The following HEG1 variants were observed in gnomAD, a reference collection of about 807,000 sequenced individuals.
HEG1 encodes protein HEG homolog 1.
HEG1 carries 56 observed loss-of-function variants against 125.6 expected under a neutral mutation model. The ratio of observed to expected loss-of-function variants is 0.45; its 90% CI spans 0.36 to 0.56. The LOEUF is 0.56. HEG1 is among the 20% of genes least tolerant of loss of function. HEG1 has a pLI of 0.00. For synonymous variants in HEG1, 644 were observed against 668.5 expected (o/e 0.96, Z 0.57); for missense variants, 1,523 against 1,670.0 (o/e 0.91, Z 1.53).
intron 14 of HEG1, among the ~76,000 whole-genome samples, chr3:124,982,464 G>A (rs1560016207): frequency 6.6e-6 from 1 of 152,158 alleles, no homozygotes; most frequent in East Asian, 1.9e-4. Flanking sequence ...ATCCTTTTTA[G>A]TGCAAAAAGA....
At chr3:124,971,933 G>C (rs576307437) in intron 16 of HEG1, 3 of 151,800 alleles carry the variant, frequency 2.0e-5, no homozygotes, top group East Asian at 1.9e-4. Flanking sequence ...GATGTACAGG[G>C]GTCCACCACC....
chr3:125,022,325 C>T (rs975252944), intron 3 of HEG1, among the ~76,000 whole-genome samples: 4 of 151,842 alleles, frequency 2.6e-5, no homozygotes, highest in African/African-American at 4.8e-5. Flanking sequence ...TCATTACAAA[C>T]ATTTCCTTGA....
chr3:124,993,184 C>T (rs892046735), intron 12 of HEG1, among the ~76,000 whole-genome samples: 1 of 152,218 alleles, frequency 6.6e-6, no homozygotes, highest in African/African-American at 2.4e-5. Flanking sequence ...CTTCTTTTAG[C>T]AAGCGTGCAG....
At chr3:124,975,735 T>C (rs1400802842) in intron 15 of HEG1, among the ~76,000 whole-genome samples, 7 of 152,212 alleles carry the variant, frequency 4.6e-5, no homozygotes. Context: ...TCCAACTCTA[T>C]TAGATTTGCC....
At chr3:124,987,351 G>A (rs1936753772) in intron 14 of HEG1, among the ~76,000 whole-genome samples, 1 of 152,008 alleles carries the variant, frequency 6.6e-6, no homozygotes, top group Non-Finnish European at 1.5e-5. Context: ...TGGCTCACCC[G>A]AGGGGCACAC....
chr3:125,040,694 G>C (rs184766563), intron 1 of HEG1, among the ~76,000 whole-genome samples: 15 of 145,250 alleles, frequency 1.0e-4, no homozygotes, highest in Admixed American at 5.0e-4. Flanking sequence ...GTTCACACAG[G>C]GAGGGGAGAA....
At chr3:124,990,327 T>C (rs1936811357) in intron 14 of HEG1, among the ~76,000 whole-genome samples, 1 of 146,988 alleles carries the variant, frequency 6.8e-6, no homozygotes, top group Non-Finnish European at 1.5e-5. Context: ...GTTTTTTTTG[T>C]TGTTGTTTTT....
chr3:125,033,711 A>G (rs1390545907), intron 1 of HEG1, among the ~76,000 whole-genome samples: 1 of 152,190 alleles, frequency 6.6e-6, no homozygotes, highest in African/African-American at 2.4e-5. Context: ...CTCCAAACCC[A>G]GGACATGGAC....
chr3:124,976,179 GT>G (rs1206839306), intron 15 of HEG1, among the ~76,000 whole-genome samples: 2 of 151,988 alleles, frequency 1.3e-5, no homozygotes, highest in East Asian at 1.9e-4. Flanking sequence ...TTTTCTAGGT[GT>G]TTTTTTGTTT....
intron 11 of HEG1, among the ~76,000 whole-genome samples, chr3:124,998,335 T>G (rs1936954634): frequency 6.6e-6 from 1 of 152,204 alleles, no homozygotes; most frequent in African/African-American, 2.4e-5. Context: ...CTAGAACCAC[T>G]CCCTGTGGCA....
chr3:125,010,395 G>T, intron 7 of HEG1, 44 bp downstream of exon 7: 4 of 1,231,196 alleles, frequency 3.2e-6, no homozygotes, highest in Admixed American at 2.1e-5. Flanking sequence ...GTAGCCCAAC[G>T]TGGTACTGTG....
Position 125,055,980 on chromosome 3 carries a change from C to G in HEG1, c.-90G>C, listed in dbSNP as rs1937933768. On this transcript the variant is annotated 5_prime_UTR_variant, in exon 1 of 17. Coordinates refer to ENST00000311127, the MANE Select transcript of HEG1 (RefSeq NM_020733.2). ...GCGGGCGGCGGGGGCCGCGCGGGGC[C>G]GGGGAAGTGAGCGGAGTGAGGCTGC... 5 of 671,070 alleles carry G rather than the reference C, an allele frequency of 7.5e-6. No homozygotes were observed. In the Admixed American group the frequency reaches 2.6e-4, roughly 35 times the overall value. 41.6% of individuals were successfully genotyped at this position (671,070 alleles called of 1,614,324 possible).
chr3:125,004,165 A>G (rs1297508392), intron 9 of HEG1, among the ~76,000 whole-genome samples: 2 of 152,204 alleles, frequency 1.3e-5, no homozygotes, highest in Admixed American at 6.5e-5. Context: ...TCATGAAGTG[A>G]ATGCTCAGGA....
chr3:125,053,785 G>T (rs778044568), intron 1 of HEG1, among the ~76,000 whole-genome samples: 1 of 152,154 alleles, frequency 6.6e-6, no homozygotes, highest in Non-Finnish European at 1.5e-5. Context: ...GGATGTTTGG[G>T]TCACATAAGG....
chr3:125,035,756 A>G (rs890873118), intron 1 of HEG1, among the ~76,000 whole-genome samples: 1 of 152,234 alleles, frequency 6.6e-6, no homozygotes, highest in African/African-American at 2.4e-5. Flanking sequence ...AGGAACACTG[A>G]ATTTATGAAA....
intron 12 of HEG1, among the ~76,000 whole-genome samples, chr3:124,991,765 C>T (rs1437800169): frequency 6.6e-6 from 1 of 152,200 alleles, no homozygotes; most frequent in East Asian, 1.9e-4. Flanking sequence ...GGGCCCGCCA[C>T]AAAGCCTGGC....
chr3:125,032,641 G>A (rs997252762), intron 1 of HEG1, among the ~76,000 whole-genome samples: 1 of 152,262 alleles, frequency 6.6e-6, no homozygotes, highest in African/African-American at 2.4e-5. Flanking sequence ...GGTCTCCTGG[G>A]AGGAGGTGAA....
chr3:125,055,010 T>C (rs545209506), intron 1 of HEG1, among the ~76,000 whole-genome samples: 4 of 152,304 alleles, frequency 2.6e-5, no homozygotes, highest in African/African-American at 9.6e-5. Flanking sequence ...GATGGTCCTG[T>C]ATCAGCCTGT....
At chr3:124,994,822 A>T (rs1348616042) in intron 12 of HEG1, among the ~76,000 whole-genome samples, 3 of 151,408 alleles carry the variant, frequency 2.0e-5, no homozygotes, top group Middle Eastern at 3.2e-3. Context: ...CATCTTAAAA[A>T]CTCTTTTGTT....
Sources: gnomAD v4.1 joint callset for allele counts (sites outside exome capture counted in the v4.1 genomes callset) on GRCh38, gnomAD v4.1.1 for gene constraint, MANE v1.5 for transcripts, NCBI Gene and HGNC (gene_info 2026-07-23, HGNC 2026-07-21) for gene names.